UST: variants seen among roughly 807,000 people sequenced by gnomAD.
The protein encoded by UST is chondroitin sulfate 2-O-sulfotransferase.
UST carries 21 observed loss-of-function variants against 45.6 expected under a neutral mutation model. That is an observed-to-expected ratio of 0.46 (90% CI 0.33 to 0.66). The LOEUF (loss-of-function observed/expected upper bound fraction) is 0.66, where lower values mean the gene tolerates loss of function less well. UST is among the 30% of genes least tolerant of loss of function. The probability of loss-of-function intolerance (pLI) is 0.02; values close to 1 mark genes in which losing one functional copy is unlikely to be tolerated. For synonymous variants in UST, 215 were observed against 200.6 expected (o/e 1.07, Z -0.61); for missense variants, 463 against 512.4 (o/e 0.90, Z 0.93).
intron 1 of UST, among the ~76,000 whole-genome samples, chr6:148,833,269 C>T (rs1274254971): frequency 1.3e-5 from 2 of 152,172 alleles, no homozygotes. Flanking sequence ...GGACGGATTG[C>T]TCGAGTTCGG....
chr6:149,051,678 T>TC (rs1776490397), intron 7 of UST, among the ~76,000 whole-genome samples: 1 of 152,210 alleles, frequency 6.6e-6, no homozygotes, highest in Non-Finnish European at 1.5e-5. Flanking sequence ...CCCCTTTGTA[T>TC]CTCCACTTTG....
chr6:148,788,342 A>T (rs1252077733), intron 1 of UST, among the ~76,000 whole-genome samples: 2 of 151,568 alleles, frequency 1.3e-5, no homozygotes, highest in African/African-American at 4.8e-5. Flanking sequence ...TCAACTAGAA[A>T]ATATATATAT....
chr6:148,937,880 G>A (rs1003411467), intron 2 of UST, among the ~76,000 whole-genome samples: 3 of 152,130 alleles, frequency 2.0e-5, no homozygotes, highest in African/African-American at 4.8e-5. Context: ...TCATACCCCA[G>A]CCTGGTTGTA....
chr6:148,915,996 G>C (rs1779582352), intron 2 of UST, among the ~76,000 whole-genome samples: 1 of 141,042 alleles, frequency 7.1e-6, no homozygotes, highest in South Asian at 2.1e-4. Context: ...CCAGCAACCA[G>C]AGCCAACAGA....
At chr6:148,986,678 G>A (rs1781243248) in intron 5 of UST, among the ~76,000 whole-genome samples, 1 of 152,248 alleles carries the variant, frequency 6.6e-6, no homozygotes, top group Admixed American at 6.5e-5. Context: ...CTATGCTACA[G>A]ACAATTGGCT....
intron 5 of UST, among the ~76,000 whole-genome samples, chr6:149,014,842 G>C (rs75873134): frequency 6.6e-6 from 1 of 152,160 alleles, no homozygotes; most frequent in Non-Finnish European, 1.5e-5. Context: ...CTGGAAGTCT[G>C]GCCAGGGAAA....
At chr6:149,008,122 T>A (rs928123443) in intron 5 of UST, among the ~76,000 whole-genome samples, 1 of 152,136 alleles carries the variant, frequency 6.6e-6, no homozygotes, top group Admixed American at 6.6e-5. Flanking sequence ...TTCCTGCCAA[T>A]TTGCTATAAC....
chr6:148,992,920 A>G (rs1562323374), intron 5 of UST: 2 of 866,990 alleles, frequency 2.3e-6, no homozygotes, highest in South Asian at 5.3e-5. Flanking sequence ...TTTTAAATGC[A>G]TATCATAAAA....
chr6:148,899,320 C>G (rs951986145), intron 2 of UST, among the ~76,000 whole-genome samples: 1 of 152,068 alleles, frequency 6.6e-6, no homozygotes, highest in Non-Finnish European at 1.5e-5. Context: ...AGAATGGTCT[C>G]GATCTCCTGA....
intron 5 of UST, among the ~76,000 whole-genome samples, chr6:149,015,468 G>A (rs1775883791): frequency 6.6e-6 from 1 of 152,174 alleles, no homozygotes; most frequent in African/African-American, 2.4e-5. Context: ...ACTTGGCAGG[G>A]AAGGGCACTG....
chr6:148,846,971 G>T (rs1011058474), intron 1 of UST, among the ~76,000 whole-genome samples: 2 of 152,248 alleles, frequency 1.3e-5, no homozygotes, highest in African/African-American at 4.8e-5. Context: ...TCCTGAGTGA[G>T]GCAGGCTGGT....
At chr6:148,993,608 A>C (rs1192409527) in intron 5 of UST, among the ~76,000 whole-genome samples, 2 of 152,158 alleles carry the variant, frequency 1.3e-5, no homozygotes, top group Admixed American at 1.3e-4. Flanking sequence ...TGTAATCCCC[A>C]GTATTGGAGG....
intron 1 of UST, among the ~76,000 whole-genome samples, chr6:148,848,835 C>T (rs968133669): frequency 5.3e-5 from 8 of 152,084 alleles, no homozygotes; most frequent in Non-Finnish European, 8.8e-5. Flanking sequence ...AGGCTCTCTT[C>T]GAGCCGGATA....
intron 1 of UST, among the ~76,000 whole-genome samples, chr6:148,781,876 C>T (rs982625281): frequency 6.6e-6 from 1 of 152,112 alleles, no homozygotes; most frequent in Non-Finnish European, 1.5e-5. Context: ...ATTTTAAGCC[C>T]ATTGTTGGGC....
chr6:149,073,890 A>G lies in UST; in HGVS notation c.995A>G (p.Glu332Gly). 6.2e-7 allele frequency: 1 copy of G among 1,614,164 alleles called. No individual in the cohort carries two copies. Among genetic ancestry groups the G allele is most frequent in the Non-Finnish European group, 8.5e-7 (1 of 1,180,014 alleles). Residue 332 changes from glutamate (E) to glycine (G), a missense_variant, in exon 8 of 8, where the codon GAG becomes GGG. Physicochemically the swap from Glu to Gly is moderately conservative, Grantham distance 98 (BLOSUM62 -2). Transcript: ENST00000367463. ...GTGAAGAAGACTGTCCCCTCTCCTGAGGCTGTGCAGATCCTCTACCAGCGG... is the reference window on the plus strand; with the variant it reads ...GTGAAGAAGACTGTCCCCTCTCCTGGGGCTGTGCAGATCCTCTACCAGCGG... ...VTVKKTVPSP[E>G]AVQILYQRMR...
intron 1 of UST, among the ~76,000 whole-genome samples, chr6:148,823,851 G>A (rs1309971866): frequency 1.3e-5 from 2 of 152,110 alleles, no homozygotes; most frequent in African/African-American, 4.8e-5. Flanking sequence ...CAGGATGTTC[G>A]ATGCTATTCC....
chr6:148,980,040 C>A (rs1189531896), intron 5 of UST, among the ~76,000 whole-genome samples: 2 of 152,164 alleles, frequency 1.3e-5, no homozygotes, highest in African/African-American at 2.4e-5. Flanking sequence ...CACAATATTT[C>A]TTTCCTTCCC....
chr6:148,999,560 G>A (rs1264129571), intron 5 of UST, among the ~76,000 whole-genome samples: 1 of 152,254 alleles, frequency 6.6e-6, no homozygotes, highest in Non-Finnish European at 1.5e-5. Context: ...CTGCTATGAT[G>A]TAACAGTGTC....
chr6:148,856,612 C>T (rs75429263), intron 1 of UST, among the ~76,000 whole-genome samples: 2,205 of 152,252 alleles, frequency 0.014, 63 homozygotes, highest in African/African-American at 0.05. Context: ...ACTAGGGTTG[C>T]GGGGCGGGCT....
Sources: gnomAD v4.1 joint callset for allele counts (sites outside exome capture counted in the v4.1 genomes callset) on GRCh38, gnomAD v4.1.1 for gene constraint, MANE v1.5 for transcripts, NCBI Gene and HGNC (gene_info 2026-07-23, HGNC 2026-07-21) for gene names.